The following ABCA5 variants were observed in gnomAD, a reference collection of about 807,000 sequenced individuals.
ABCA5 encodes cholesterol transporter ABCA5.
A neutral mutation model predicts 206.0 loss-of-function variants in ABCA5; 163 were observed. The ratio of observed to expected loss-of-function variants is 0.79; its 90% CI spans 0.70 to 0.90. ABCA5 has a LOEUF of 0.90. Among genes scored for constraint, ABCA5 ranks in the 40% least tolerant of loss-of-function variants. The pLI is 0.00. For synonymous variants in ABCA5, 609 were observed against 613.8 expected (o/e 0.99, Z 0.11); for missense variants, 1,859 against 1,912.9 (o/e 0.97, Z 0.53).
intron 28 of ABCA5, among the ~76,000 whole-genome samples, chr17:69,258,398 CCTAAGTGAA>C (rs1334850301): frequency 6.6e-6 from 1 of 152,086 alleles, no homozygotes; most frequent in Non-Finnish European, 1.5e-5. Context: ...AGACCATTAT[CCTAAGTGAA>C]CTAATTTGGA....
rs1381998751 is a variant in ABCA5, at chr17:69,302,847, A to G, written c.990T>C (p.Val330=). The change falls in exon 8 of 39, where the codon GTT becomes GTC. Residue 330 remains valine, a synonymous_variant. Coordinates refer to ENST00000392676, the MANE Select transcript of ABCA5 (RefSeq NM_172232.4). ...LFKKSKHVGI[V]EFFVTVAFGF... ...CAAAAGCCACAGTAACAAAAAATTC[A>G]ACTATTCCCACATGTTTTGATTTTT... 2 of 1,591,060 alleles carry G rather than the reference A, an allele frequency of 1.3e-6. No homozygotes were observed. The highest frequency in any genetic ancestry group is 2.7e-5 in the African/African-American group (2 of 73,524).
Position 69,254,450 on chromosome 17 carries a change from T to C in ABCA5, c.4109A>G (p.Asp1370Gly), listed in dbSNP as rs2075051903. The change falls in exon 32 of 39, where the codon GAT becomes GGT. Residue 1370 changes from aspartate to glycine, a missense_variant. Transcript: ENST00000392676. ...GDYSSETSED[D>G]DSLKCMGYCP... ...GTAACCCATACACTTCAGTGAATCA[T>C]CATCTTCACTTGTCTCTGAAGAATA... 6.2e-7 allele frequency: 1 copy of C among 1,612,836 alleles called. No individual in the cohort carries two copies. Among genetic ancestry groups the C allele is most frequent in the Non-Finnish European group, 8.5e-7 (1 of 1,179,512 alleles).
chr17:69,262,216 ATATTT>A (rs2075156429), intron 24 of ABCA5, among the ~76,000 whole-genome samples: 1 of 152,070 alleles, frequency 6.6e-6, no homozygotes, highest in Admixed American at 6.6e-5. Context: ...ATTTTAAGCT[ATATTT>A]TATTTTAAGT....
rs1466845837 is a variant in ABCA5, at chr17:69,287,741, A to C, written c.1913T>G (p.Leu638Arg). Residue 638 changes from leucine to arginine, a missense_variant, in exon 15 of 39, where the codon CTA (leucine) becomes CGA (arginine). Transcript: ENST00000392676. ...GTCCATTCCAGCTGTTGGTTCATCTAGCAGCAGTATCTGTGTGAAAAGAGG... is the reference window on the plus strand; with the variant it reads ...GTCCATTCCAGCTGTTGGTTCATCTCGCAGCAGTATCTGTGTGAAAAGAGG... The part of the protein sequence containing the change: ...AVLGNPKILL[L>R]DEPTAGMDPC... 6.2e-7 allele frequency: 1 copy of C among 1,613,096 alleles called. No homozygotes were observed. The highest frequency in any genetic ancestry group is 1.3e-5 in the African/African-American group (1 of 75,000).
chr17:69,254,543 G>A, intron 31 of ABCA5, 53 bp from the exon 32 acceptor site: 5 of 1,469,434 alleles, frequency 3.4e-6, no homozygotes, highest in Non-Finnish European at 4.7e-6. Context: ...CACTGTGAAG[G>A]AAGTGGCAAG....
chr17:69,304,581 G>C (rs1267222866), intron 7 of ABCA5, 88 bp downstream of exon 7: 1 of 1,162,130 alleles, frequency 8.6e-7, no homozygotes, highest in East Asian at 2.9e-5. Context: ...ATGGCAAATT[G>C]ACTATAAGTA....
At chr17:69,308,171 C>T (rs1249035330) in intron 5 of ABCA5, 109 bp downstream of exon 5, 6 of 497,664 alleles carry the variant, frequency 1.2e-5, no homozygotes, top group Non-Finnish European at 2.1e-5. Context: ...TAGTAGGTTA[C>T]ATATTTTGTA....
chr17:69,251,847 A>C lies in ABCA5; in HGVS notation c.4435T>G (p.Phe1479Val), dbSNP rs1370039985. Residue 1479 changes from phenylalanine (F) to valine (V), a missense_variant, in exon 35 of 39, where the codon TTT becomes GTT. Transcript: ENST00000392676. ...QHMWRAIRTA[F>V]KNRKRAAILT... is the part of the protein sequence containing the mutation. ...ATAGCAGCCCGCTTTCTGTTTTTAA[A>C]TGCAGTTCGAATTGCTCGCCTATAA... 7.4e-6 allele frequency: 12 copies of C among 1,613,628 alleles called. No homozygotes were observed. Among genetic ancestry groups the C allele is most frequent in the Non-Finnish European group, 1.0e-5 (12 of 1,179,934 alleles).
chr17:69,274,229 TTTTA>T, intron 19 of ABCA5, 101 bp from the exon 20 acceptor site: 1 of 1,186,172 alleles, frequency 8.4e-7, no homozygotes, highest in Non-Finnish European at 1.1e-6. Context: ...CTTTTTTTGT[TTTTA>T]TTTGAGACAG....
intron 23 of ABCA5, among the ~76,000 whole-genome samples, chr17:69,266,319 C>T (rs1204316091): frequency 6.6e-6 from 1 of 152,070 alleles, no homozygotes; most frequent in Non-Finnish European, 1.5e-5. Context: ...TGTATCTTGA[C>T]TGTGTCAATG....
rs1230133424 is a variant in ABCA5, at chr17:69,315,236, T to C, written c.-15-806A>G. The C allele has an allele frequency of 2.0e-5, 3 of 152,178 alleles. No homozygotes were observed. The South Asian group carries it at 6.2e-4, about 32-fold the overall frequency. 9.4% of individuals were successfully genotyped at this position (152,178 alleles called of 1,614,324 possible). ...GTGACAAAGGCTTGAGAAACTGAAC[T>C]AACAGACAGACCACTGTCCAAATCC... is the stretch of plus-strand genomic sequence containing the variant. On this transcript the variant is annotated intron_variant, in intron 1 of 38. Transcript: ENST00000392676.
rs1255402968 is a variant in ABCA5, at chr17:69,261,121, T to C, written c.3564+4A>G. 3 of 1,543,320 alleles carry C rather than the reference T, an allele frequency of 1.9e-6. No homozygotes were observed. Among genetic ancestry groups the C allele is most frequent in the Non-Finnish European group, 1.8e-6 (2 of 1,142,362 alleles). On this transcript the variant is annotated splice_donor_region_variant and intron_variant, in intron 26 of 38. Transcript: ENST00000392676. ...TAACATATTAAAATATTTAGCAGAA[T>C]TACCTTTATGAAAGAAATCAGGCAA...
At chr17:69,304,508 A>G (rs509830) in intron 7 of ABCA5, 161 bp downstream of exon 7, 566,175 of 576,228 alleles carry the variant, frequency 0.98, 278,898 homozygotes, top group East Asian at 1. Flanking sequence ...AAAATACAGG[A>G]ATACAGTGAT....
chr17:69,274,839 CTTTT>C lies in ABCA5; in HGVS notation c.2595-715_2595-712del, dbSNP rs3052556. ...GTCCTGTCTCTATCTTAACCATTTA[CTTTT>C]TTTTTTTTTTTTTTTTTTGAGATGG... On this transcript the variant is annotated intron_variant, in intron 19 of 38. Coordinates refer to ENST00000392676, the MANE Select transcript of ABCA5 (RefSeq NM_172232.4). Among the ~76,000 whole-genome samples, 91 of 85,742 alleles carry C rather than the reference CTTTT, an allele frequency of 1.1e-3. 1 individual carries two copies. The highest frequency in any genetic ancestry group is 3.7e-3 in the African/African-American group (84 of 22,736). 56.3% of individuals were successfully genotyped at this position (85,742 alleles called of 152,430 possible).
Position 69,247,615 on chromosome 17 carries a change from CTCT to C in ABCA5, c.4848_4850del (p.Glu1619del). 1 of 1,610,532 alleles carries C rather than the reference CTCT, an allele frequency of 6.2e-7. No individual in the cohort carries two copies. The highest frequency in any genetic ancestry group is 8.5e-7 in the Non-Finnish European group (1 of 1,178,570). On this transcript the variant is annotated inframe_deletion, in exon 39 of 39. Coordinates refer to ENST00000392676, the MANE Select transcript of ABCA5 (RefSeq NM_172232.4). ...AAGTTCCACAACTATTATCTTCCTC[CTCT>C]TGTTCTTTAGTGAGTTCTACAAAAA...
intron 18 of ABCA5, among the ~76,000 whole-genome samples, chr17:69,282,827 C>A (rs2075409984): frequency 6.6e-6 from 1 of 150,566 alleles, no homozygotes; most frequent in Non-Finnish European, 1.5e-5. Context: ...CAAACCTATT[C>A]TTCCCCTATT....
chr17:69,262,235 T>C (rs1252155856), intron 24 of ABCA5, among the ~76,000 whole-genome samples: 1 of 152,162 alleles, frequency 6.6e-6, no homozygotes, highest in Non-Finnish European at 1.5e-5. Flanking sequence ...TTTAAGTAAT[T>C]TCTAGTTTTA....
At chr17:69,278,837 C>T (rs962441124) in intron 18 of ABCA5, among the ~76,000 whole-genome samples, 6 of 149,660 alleles carry the variant, frequency 4.0e-5, no homozygotes, top group East Asian at 3.9e-4. Flanking sequence ...ATTCAACAAC[C>T]CTTCATGCTA....
chr17:69,251,627 C>A, intron 35 of ABCA5, 120 bp downstream of exon 35: 1 of 1,375,750 alleles, frequency 7.3e-7, no homozygotes, highest in Non-Finnish European at 9.6e-7. Context: ...CAAAAGCTAA[C>A]TCAAAAACTA....
Sources: gnomAD v4.1 joint callset for allele counts (sites outside exome capture counted in the v4.1 genomes callset) on GRCh38, gnomAD v4.1.1 for gene constraint, MANE v1.5 for transcripts, NCBI Gene and HGNC (gene_info 2026-07-23, HGNC 2026-07-21) for gene names.